The following BHMT variants were observed in gnomAD, a reference collection of about 807,000 sequenced individuals.
BHMT encodes the protein betaine--homocysteine S-methyltransferase 1.
BHMT carries 38 observed loss-of-function variants against 49.5 expected under a neutral mutation model. The observed-to-expected ratio is 0.77, with a 90% confidence interval of 0.59 to 1.01. The LOEUF (loss-of-function observed/expected upper bound fraction) is 1.01, where lower values mean the gene tolerates loss of function less well. BHMT is among the 50% of genes least tolerant of loss of function. The pLI, the probability that BHMT is intolerant of heterozygous loss-of-function variation, is 0.00. For synonymous variants in BHMT, 166 were observed against 176.3 expected, an observed-to-expected ratio of 0.94 and a Z score of 0.46; for missense variants, 426 against 495.7, an observed-to-expected ratio of 0.86 and a Z score of 1.34.
chr5:79,119,437 A>G, intron 3 of BHMT, 60 bp downstream of exon 3: 3 of 1,356,492 alleles, frequency 2.2e-6, no homozygotes, highest in Non-Finnish European at 3.1e-6. Flanking sequence ...GCATCAACAA[A>G]GCTCCCATAG....
At chr5:79,128,354 C>T (rs1434316270) in intron 7 of BHMT, among the ~76,000 whole-genome samples, 1 of 132,450 alleles carries the variant, frequency 7.6e-6, no homozygotes, top group Non-Finnish European at 1.6e-5. Flanking sequence ...AACTCCATCT[C>T]TACTAAAAAT....
At chr5:79,130,907 T>C (rs1756628565) in intron 7 of BHMT, 26 bp from the exon 8 acceptor site, 1 of 1,562,434 alleles carries the variant, frequency 6.4e-7, no homozygotes, top group Non-Finnish European at 8.7e-7. Flanking sequence ...GTCTGTTGTC[T>C]GGTGTCATGT....
At chr5:79,125,048 AG>A (rs1413622019) in intron 5 of BHMT, among the ~76,000 whole-genome samples, 1 of 152,236 alleles carries the variant, frequency 6.6e-6, no homozygotes, top group Non-Finnish European at 1.5e-5. Context: ...ACACAGGTGT[AG>A]TCTAGCAGCT....
At chr5:79,119,903 C>T (rs1756441064) in intron 3 of BHMT, among the ~76,000 whole-genome samples, 1 of 152,080 alleles carries the variant, frequency 6.6e-6, no homozygotes, top group Admixed American at 6.6e-5. Flanking sequence ...TAGAAAAGAC[C>T]TTATTAGTTA....
chr5:79,130,577 A>G lies in BHMT; in HGVS notation c.1038-356A>G, dbSNP rs142517476. On this transcript the variant is annotated intron_variant, in intron 7 of 7. Coordinates refer to ENST00000274353, the MANE Select transcript of BHMT (RefSeq NM_001713.3). ...TTGCTGTTCAGCAGCTGACACGGGT[A>G]TTCTAGTGATGCTACTGTGCTGCTT... 1.4e-4 allele frequency among the ~76,000 whole-genome samples: 22 copies of G among 151,756 alleles called. No homozygotes were observed. The East Asian group carries it at 3.7e-3, about 26-fold the overall frequency.
chr5:79,116,645 G>T (rs999536650), intron 2 of BHMT, among the ~76,000 whole-genome samples: 2 of 152,154 alleles, frequency 1.3e-5, no homozygotes, highest in East Asian at 3.8e-4. Flanking sequence ...TTTAGAGTTT[G>T]CTGTGGAATT....
intron 7 of BHMT, among the ~76,000 whole-genome samples, chr5:79,128,366 CA>C (rs66501296): frequency 3.4e-4 from 47 of 137,306 alleles, no homozygotes; most frequent in South Asian, 4.8e-4. Context: ...ACTAAAAATA[CA>C]AAAAAAAAAA....
intron 1 of BHMT, among the ~76,000 whole-genome samples, chr5:79,113,712 G>T (rs1756341846): frequency 6.6e-6 from 1 of 152,088 alleles, no homozygotes; most frequent in Non-Finnish European, 1.5e-5. Context: ...TCACAAAATG[G>T]TATATTTTTT....
At chr5:79,123,385 C>T (rs1671070722) in intron 5 of BHMT, among the ~76,000 whole-genome samples, 1 of 152,206 alleles carries the variant, frequency 6.6e-6, no homozygotes, top group Non-Finnish European at 1.5e-5. Flanking sequence ...TCTGCTGCTC[C>T]TGGGAGCTGA....
intron 1 of BHMT, among the ~76,000 whole-genome samples, chr5:79,115,148 C>T (rs1040961602): frequency 2.6e-5 from 4 of 151,956 alleles, no homozygotes; most frequent in South Asian, 2.1e-4. Context: ...GTGATTTGGC[C>T]ACCTTTTCAG....
intron 1 of BHMT, 90 bp from the exon 2 acceptor site, chr5:79,115,677 C>G: frequency 2.2e-6 from 3 of 1,382,140 alleles, no homozygotes; most frequent in Non-Finnish European, 2.9e-6. Context: ...AACCACACAT[C>G]TCCAAGAATA....
chr5:79,118,817 G>T, intron 2 of BHMT, among the ~76,000 whole-genome samples: 1 of 152,110 alleles, frequency 6.6e-6, no homozygotes, highest in South Asian at 2.1e-4. Context: ...CCTCATCTTT[G>T]GACCTCCTTC....
At position 79,120,501 on chromosome 5, in the gene BHMT, A is replaced by T; in HGVS notation, c.437A>T (p.Glu146Val). The change falls in exon 4 of 8, where the codon GAG becomes GTG. Residue 146 changes from glutamate (E) to valine (V), a missense_variant. Transcript: ENST00000274353. Reference protein sequence around the residue: ...EVKKVFLQQLEVFMKKNVDFL... With the variant: ...EVKKVFLQQLVVFMKKNVDFL... Reference sequence around the variant, plus strand: ...AAAAAAGTATTTCTGCAACAGTTAGAGGTCTTTATGAAGAAGAACGTGGAC... The same window carrying T: ...AAAAAAGTATTTCTGCAACAGTTAGTGGTCTTTATGAAGAAGAACGTGGAC... The T allele has an allele frequency of 6.2e-7, 1 of 1,613,700 alleles. No individual in the cohort carries two copies. Among genetic ancestry groups the T allele is most frequent in the Non-Finnish European group, 8.5e-7 (1 of 1,179,946 alleles).
chr5:79,112,025 A>C, intron 1 of BHMT, 107 bp downstream of exon 1: 1 of 1,262,750 alleles, frequency 7.9e-7, no homozygotes, highest in Non-Finnish European at 1.1e-6. Context: ...GGTACCCATC[A>C]TCCTCCTACT....
chr5:79,131,913 G>A lies in BHMT; in HGVS notation c.*797G>A, dbSNP rs1436269971. ...AGACATAGACCAATGGGGAGGAGGGGAGGAGAGATGGATATTTCAGCCCTC... is the reference window on the plus strand; with the variant it reads ...AGACATAGACCAATGGGGAGGAGGGAAGGAGAGATGGATATTTCAGCCCTC... On this transcript the variant is annotated 3_prime_UTR_variant, in exon 8 of 8. Coordinates refer to ENST00000274353, the MANE Select transcript of BHMT (RefSeq NM_001713.3). 1 of 152,210 alleles carries A rather than the reference G, an allele frequency of 6.6e-6. No homozygotes were observed. Among genetic ancestry groups the A allele is most frequent in the Non-Finnish European group, 1.5e-5 (1 of 68,074 alleles). 9.4% of individuals were successfully genotyped at this position (152,210 alleles called of 1,614,324 possible). A position where few individuals can be genotyped will look rare whatever the true frequency, so the allele number is the denominator to read the frequency against.
chr5:79,115,149 A>G (rs1756367125), intron 1 of BHMT, among the ~76,000 whole-genome samples: 1 of 152,042 alleles, frequency 6.6e-6, no homozygotes. Flanking sequence ...TGATTTGGCC[A>G]CCTTTTCAGT....
chr5:79,121,777 T>C (rs1203783957), intron 5 of BHMT, among the ~76,000 whole-genome samples: 11 of 141,432 alleles, frequency 7.8e-5, no homozygotes, highest in Non-Finnish European at 9.1e-5. Flanking sequence ...ATTGCGCCAC[T>C]GCACTCCAGC....
chr5:79,130,791 G>C, intron 7 of BHMT, 142 bp from the exon 8 acceptor site: 1 of 653,334 alleles, frequency 1.5e-6, no homozygotes, highest in Non-Finnish European at 2.1e-6. Flanking sequence ...TGACACCTTT[G>C]CTTTTTAATG....
At chr5:79,129,769 G>A (rs1756608094) in intron 7 of BHMT, among the ~76,000 whole-genome samples, 1 of 152,138 alleles carries the variant, frequency 6.6e-6, no homozygotes. Flanking sequence ...TAACCAAGGT[G>A]AACTCAGCTG....
Sources: allele counts gnomAD v4.1 joint callset (sites outside exome capture counted in the v4.1 genomes callset), GRCh38; gene constraint gnomAD v4.1.1; transcripts MANE v1.5; gene names NCBI Gene and HGNC (gene_info 2026-07-23, HGNC 2026-07-21).